RNFT1: variants seen among roughly 807,000 people sequenced by gnomAD.
RNFT1 encodes the protein ring finger protein, transmembrane 1, also known as E3 ubiquitin-protein ligase RNFT1.
In RNFT1, 35 loss-of-function variants were observed where a neutral mutation model predicts 53.2. The observed-to-expected ratio is 0.66, with a 90% CI of 0.50 to 0.87. The LOEUF is 0.87. Ranked by LOEUF, RNFT1 falls within the 40% of genes least tolerant of loss-of-function variation. The probability of loss-of-function intolerance (pLI) is 0.00; values close to 1 mark genes in which losing one functional copy is unlikely to be tolerated. For missense variants in RNFT1, 421 were observed against 515.0 expected, an observed-to-expected ratio of 0.82 and a Z score of 1.77; for synonymous variants, 141 against 172.8, an observed-to-expected ratio of 0.82 and a Z score of 1.44.
intron 6 of RNFT1, 104 bp from the exon 7 acceptor site, chr17:59,956,657 T>TA: frequency 1.3e-6 from 1 of 753,076 alleles, no homozygotes; most frequent in Non-Finnish European, 2.3e-6. Flanking sequence ...CATATTAACT[T>TA]AATGTTCATT....
In RNFT1 at chr17:59,960,088, A is replaced by T. The variant is rs1320851494; in HGVS notation, c.672T>A (p.His224Gln). 6.2e-7 allele frequency: 1 copy of T among 1,605,440 alleles called. No homozygotes were observed. ...ATTACCTGTAATAAAGTGACTGAGA[A>T]TGAAAGGTGTAATATAAAAGAACAG... ...GSSVLLYYTF[H>Q]SQSLYYSLIF... Residue 224 changes from histidine to glutamine, a missense_variant, in exon 4 of 9, where the codon CAT becomes CAA. Physicochemically the swap from His to Gln is conservative, Grantham distance 24. Transcript: ENST00000305783.
chr17:59,960,354 TA>T lies in RNFT1; in HGVS notation c.592-187del, dbSNP rs1270443262. Among the ~76,000 whole-genome samples the T allele has an allele frequency of 2.1e-5, 3 of 144,446 alleles. No individual in the cohort carries two copies. In the Admixed American group the frequency reaches 2.2e-4, roughly 10 times the overall value. The allele number at this position is 144,446 out of a possible 152,430, so 94.8% of individuals were successfully genotyped here. On this transcript the variant is annotated intron_variant, in intron 3 of 8. Coordinates refer to ENST00000305783, the MANE Select transcript of RNFT1 (RefSeq NM_016125.4). ...TACTTTAGTGACCAAACAGAACTCT[TA>T]TATTAAACAAATGTTTAAAATACAA...
intron 4 of RNFT1, 114 bp downstream of exon 4, chr17:59,959,954 G>T: frequency 1.1e-5 from 11 of 962,222 alleles, no homozygotes; most frequent in Non-Finnish European, 1.4e-5. Context: ...AAAGGAGAAA[G>T]TTAAAAACTG....
intron 1 of RNFT1, among the ~76,000 whole-genome samples, chr17:59,963,692 A>C (rs1437918274): frequency 6.6e-6 from 1 of 152,198 alleles, no homozygotes; most frequent in Non-Finnish European, 1.5e-5. Context: ...TTTCATAAGG[A>C]AGAGTGAGCC....
At chr17:59,956,057 G>A (rs1468348025) in intron 7 of RNFT1, among the ~76,000 whole-genome samples, 2 of 152,188 alleles carry the variant, frequency 1.3e-5, no homozygotes, top group East Asian at 3.8e-4. Flanking sequence ...CAAGAGACAT[G>A]ATTTTTGGCA....
At chr17:59,957,917 G>A (rs113699640) in intron 5 of RNFT1, among the ~76,000 whole-genome samples, 1,873 of 152,250 alleles carry the variant, frequency 0.012, 20 homozygotes, top group Non-Finnish European at 0.021. Context: ...ACCTATGTGA[G>A]TATGTTTTTG....
Position 59,958,279 on chromosome 17 carries a change from T to G in RNFT1, c.846+12A>C. 1 of 1,583,018 alleles carries G rather than the reference T, an allele frequency of 6.3e-7. No individual in the cohort carries two copies. Among genetic ancestry groups the G allele is most frequent in the Non-Finnish European group, 8.5e-7 (1 of 1,172,354 alleles). On this transcript the variant is annotated intron_variant, in intron 5 of 8. Transcript: ENST00000305783. ...TAACATCACTCCAATAAAGCATAAG[T>G]GAGTTTCTTACCTTAGATTTAAAAG...
chr17:59,958,451 A>G lies in RNFT1; in HGVS notation c.693-7T>C. 1.3e-6 allele frequency: 2 copies of G among 1,555,778 alleles called. No homozygotes were observed. Among genetic ancestry groups the G allele is most frequent in the Non-Finnish European group, 1.7e-6 (2 of 1,156,634 alleles). On this transcript the variant is annotated splice_polypyrimidine_tract_variant and splice_region_variant and intron_variant, in intron 4 of 8. Coordinates refer to ENST00000305783, the MANE Select transcript of RNFT1 (RefSeq NM_016125.4). ...AGGATTTAAAAAAATTAAGCTACCAAAAGAAAAACATCAAAATTTATCAGA... is the reference window on the plus strand; with the variant it reads ...AGGATTTAAAAAAATTAAGCTACCAGAAGAAAAACATCAAAATTTATCAGA...
chr17:59,962,425 T>C, intron 3 of RNFT1, 115 bp downstream of exon 3: 1 of 660,296 alleles, frequency 1.5e-6, no homozygotes, highest in Non-Finnish European at 2.6e-6. Context: ...GATGTTACAA[T>C]ATATCCTATT....
intron 2 of RNFT1, 99 bp from the exon 3 acceptor site, chr17:59,962,715 A>G: frequency 7.6e-7 from 1 of 1,321,874 alleles, no homozygotes; most frequent in Non-Finnish European, 1.1e-6. Flanking sequence ...ATATACAATA[A>G]TAAAAGCTCA....
chr17:59,954,269 G>T, intron 7 of RNFT1, 123 bp from the exon 8 acceptor site: 1 of 664,800 alleles, frequency 1.5e-6, no homozygotes, highest in Non-Finnish European at 2.6e-6. Context: ...CTTCCCAAAG[G>T]ATACAAACAT....
At chr17:59,959,110 T>C (rs1268300729) in intron 4 of RNFT1, among the ~76,000 whole-genome samples, 2 of 152,220 alleles carry the variant, frequency 1.3e-5, no homozygotes, top group Non-Finnish European at 2.9e-5. Flanking sequence ...TCATGACATA[T>C]ATTTGGAACC....
Position 59,964,597 on chromosome 17 carries a change from C to T in RNFT1, c.56+11G>A. Reference sequence around the variant, plus strand: ...CCGCCTCCTCCTCTGCCCGCTTCCCCCAGGCCTAACCTCTCATGACCAGAA... The same window carrying T: ...CCGCCTCCTCCTCTGCCCGCTTCCCTCAGGCCTAACCTCTCATGACCAGAA... On this transcript the variant is annotated intron_variant, in intron 1 of 8. Transcript: ENST00000305783. 6.3e-7 allele frequency: 1 copy of T among 1,596,392 alleles called. No individual in the cohort carries two copies. The highest frequency in any genetic ancestry group is 1.1e-5 in the South Asian group (1 of 88,218).
chr17:59,962,420 T>TA, intron 3 of RNFT1, 120 bp downstream of exon 3: 1 of 627,402 alleles, frequency 1.6e-6, no homozygotes, highest in Non-Finnish European at 2.8e-6. Context: ...ACGTGGATGT[T>TA]ACAATATATC....
intron 5 of RNFT1, among the ~76,000 whole-genome samples, 157 bp downstream of exon 5, chr17:59,958,132 AGT>A (rs2045265595): frequency 1.3e-5 from 2 of 152,228 alleles, no homozygotes; most frequent in African/African-American, 4.8e-5. Flanking sequence ...ATCAGGTTCA[AGT>A]GCCTGAACAA....
At chr17:59,962,335 AAAG>A (rs1281231931) in intron 3 of RNFT1, 1 of 466,430 alleles carries the variant, frequency 2.1e-6, no homozygotes, top group Non-Finnish European at 3.9e-6. Context: ...TTTTTCTTAC[AAAG>A]AAGGTAAGGT....
At chr17:59,953,188 T>A in intron 8 of RNFT1, 77 bp from the exon 9 acceptor site, 2 of 1,139,256 alleles carry the variant, frequency 1.8e-6, no homozygotes, top group Non-Finnish European at 2.4e-6. Context: ...ATGAAAGGGA[T>A]TCTTTTTTTT....
At chr17:59,960,910 A>C (rs1243552120) in intron 3 of RNFT1, among the ~76,000 whole-genome samples, 1 of 145,466 alleles carries the variant, frequency 6.9e-6, no homozygotes, top group Non-Finnish European at 1.5e-5. Flanking sequence ...CTCAGATTAT[A>C]AGAATTTAAT....
In RNFT1 at chr17:59,962,931, C is replaced by T. The variant is rs906127932; in HGVS notation, c.410G>A (p.Gly137Asp). 2 of 1,614,102 alleles carry T rather than the reference C, an allele frequency of 1.2e-6. No individual in the cohort carries two copies. The highest frequency in any genetic ancestry group is 1.7e-5 in the Admixed American group (1 of 59,998). The change falls in exon 2 of 9, where the codon GGT becomes GAT. Residue 137 changes from glycine (G) to aspartate (D), a missense_variant. Gly to Asp is a moderately conservative substitution (Grantham distance 94). Transcript: ENST00000305783. ...DDTAAESGDH[G>D]SSSFSEFRYL... ...GCGGAATTCTGAGAAGGAGCTACTA[C>T]CATGATCTCCAGATTCTGCGGCAGT...
Sources: allele counts gnomAD v4.1 joint callset (sites outside exome capture counted in the v4.1 genomes callset), GRCh38; gene constraint gnomAD v4.1.1; transcripts MANE v1.5; gene names NCBI Gene and HGNC (gene_info 2026-07-23, HGNC 2026-07-21).